SOX5: variants seen among roughly 807,000 people sequenced by gnomAD.
The protein encoded by SOX5 is SRY-box transcription factor 5.
SOX5 carries 9 observed loss-of-function variants against 92.0 expected under a neutral mutation model. The ratio of observed to expected loss-of-function variants is 0.10; its 90% confidence interval spans 0.06 to 0.17. SOX5 has a LOEUF of 0.17. Ranked by LOEUF, SOX5 falls within the 10% of genes least tolerant of loss-of-function variation. The pLI, the probability that SOX5 is intolerant of heterozygous loss-of-function variation, is 1.00. For synonymous variants in SOX5, 344 were observed against 336.3 expected (o/e 1.02, Z -0.25); for missense variants, 642 against 944.5 (o/e 0.68, Z 4.20).
At chr12:24,286,902 T>C (rs891343790) in intron 2 of SOX5, among the ~76,000 whole-genome samples, 3 of 152,220 alleles carry the variant, frequency 2.0e-5, no homozygotes, top group Non-Finnish European at 4.4e-5. Flanking sequence ...CCTCATGTTT[T>C]CTCATTGGTA....
rs370310566 is a variant in SOX5 at position 23,555,174 on chromosome 12, T to G, written c.1488+8084A>C. 3.9e-5 allele frequency among the ~76,000 whole-genome samples: 6 copies of G among 152,330 alleles called. No individual in the cohort carries two copies. The South Asian group carries it at 1.2e-3, about 32-fold the overall frequency. On this transcript the variant is annotated intron_variant, in intron 11 of 14. Coordinates refer to ENST00000451604, the MANE Select transcript of SOX5 (RefSeq NM_006940.6). ...GTATATTCTTTTAGTCTTTTATCTA[T>G]GCATTATGGAAATAATATACTTAAA...
At chr12:23,644,756 T>C (rs1224858890) in intron 7 of SOX5, among the ~76,000 whole-genome samples, 1 of 152,232 alleles carries the variant, frequency 6.6e-6, no homozygotes, top group Non-Finnish European at 1.5e-5. Flanking sequence ...TTCCAAACAC[T>C]ATCCAATTTT....
At chr12:24,029,275 T>C (rs1284038805) in intron 4 of SOX5, among the ~76,000 whole-genome samples, 2 of 151,954 alleles carry the variant, frequency 1.3e-5, no homozygotes, top group Non-Finnish European at 2.9e-5. Context: ...ATTTTATTTA[T>C]TTATTACTTA....
chr12:24,287,104 T>C (rs1945966838), intron 2 of SOX5, among the ~76,000 whole-genome samples: 1 of 152,168 alleles, frequency 6.6e-6, no homozygotes, highest in Admixed American at 6.5e-5. Context: ...ATATGTTCAC[T>C]TCAGGCAGGA....
At chr12:24,364,405 C>T (rs1461174249) in intron 2 of SOX5, among the ~76,000 whole-genome samples, 1 of 151,108 alleles carries the variant, frequency 6.6e-6, no homozygotes, top group African/African-American at 2.4e-5. Flanking sequence ...TATCTTCTGT[C>T]CTTAGAAAGG....
At chr12:23,578,152 T>TAAAAAAAAAAAAAAAAAA (rs1269244217) in intron 9 of SOX5, among the ~76,000 whole-genome samples, 3 of 57,132 alleles carry the variant, frequency 5.3e-5, no homozygotes, top group Non-Finnish European at 7.7e-5. Context: ...AAAAAAAAAC[T>TAAAAAAAAAAAAAAAAAA]ATAGGGGCAA....
intron 4 of SOX5, among the ~76,000 whole-genome samples, chr12:23,983,780 G>T (rs1322976234): frequency 1.3e-5 from 2 of 151,980 alleles, no homozygotes; most frequent in African/African-American, 4.8e-5. Flanking sequence ...CCCTTAAATT[G>T]TGTCCTAATT....
intron 7 of SOX5, among the ~76,000 whole-genome samples, chr12:23,649,766 A>G (rs1360200510): frequency 6.6e-6 from 1 of 152,122 alleles, no homozygotes. Flanking sequence ...ATATTTAGAT[A>G]TTAATTATCT....
chr12:23,933,925 T>C (rs780106417), intron 1 of SOX5, among the ~76,000 whole-genome samples: 51 of 151,684 alleles, frequency 3.4e-4, no homozygotes, highest in African/African-American at 1.0e-3. Flanking sequence ...TTAAAGGAGA[T>C]AGTTTAAAGG....
chr12:23,702,384 A>T (rs2090775817), intron 6 of SOX5, among the ~76,000 whole-genome samples: 1 of 152,028 alleles, frequency 6.6e-6, no homozygotes, highest in African/African-American at 2.4e-5. Flanking sequence ...ATCCATTTTG[A>T]TTCATACTCA....
intron 6 of SOX5, among the ~76,000 whole-genome samples, chr12:23,668,986 A>G (rs1281051550): frequency 6.6e-6 from 1 of 152,178 alleles, no homozygotes; most frequent in East Asian, 1.9e-4. Flanking sequence ...CAATGGCTTC[A>G]AGAAATTAAT....
chr12:23,574,936 T>C (rs1377718897), intron 10 of SOX5, among the ~76,000 whole-genome samples: 1 of 152,186 alleles, frequency 6.6e-6, no homozygotes, highest in Non-Finnish European at 1.5e-5. Context: ...AGCTGACTTA[T>C]ACCATAGAAT....
intron 1 of SOX5, among the ~76,000 whole-genome samples, chr12:24,530,636 G>C (rs940467362): frequency 7.4e-5 from 11 of 149,524 alleles, no homozygotes; most frequent in African/African-American, 2.7e-4. Context: ...CTGGGCAACA[G>C]AGTGAGACTC....
intron 4 of SOX5, among the ~76,000 whole-genome samples, chr12:24,097,794 C>T (rs1380052954): frequency 6.6e-6 from 1 of 152,082 alleles, no homozygotes; most frequent in African/African-American, 2.4e-5. Context: ...TGTCAACTTC[C>T]ACTGTTGCAT....
At chr12:24,187,425 G>A (rs918299797) in intron 4 of SOX5, among the ~76,000 whole-genome samples, 1 of 152,252 alleles carries the variant, frequency 6.6e-6, no homozygotes, top group Non-Finnish European at 1.5e-5. Context: ...TTATAGAAAA[G>A]TACAAAGTAT....
At chr12:24,421,793 C>T (rs975626425) in intron 1 of SOX5, among the ~76,000 whole-genome samples, 5 of 152,146 alleles carry the variant, frequency 3.3e-5, no homozygotes, top group Admixed American at 1.3e-4. Flanking sequence ...TAAAAGTGTG[C>T]TCATTTTCCT....
At chr12:23,665,317 T>C in intron 7 of SOX5, 127 bp downstream of exon 7, 2 of 1,012,762 alleles carry the variant, frequency 2.0e-6, no homozygotes, top group South Asian at 2.7e-5. Context: ...ACATTCTGTG[T>C]GTTTCCTCTT....
rs554183215 is a variant in SOX5, at chr12:23,703,016, G to A, written c.810+31668C>T. On this transcript the variant is annotated intron_variant, in intron 6 of 14. Coordinates refer to ENST00000451604, the MANE Select transcript of SOX5 (RefSeq NM_006940.6). Reference sequence around the variant, plus strand: ...GAATCTTGTAAAGAGAACAAGATGGGCCCATATTAAAACTTTTAATGACTT... The same window carrying A: ...GAATCTTGTAAAGAGAACAAGATGGACCCATATTAAAACTTTTAATGACTT... Among the ~76,000 whole-genome samples the A allele has an allele frequency of 9.2e-5, 14 of 152,082 alleles. No homozygotes were observed. In the South Asian group the frequency reaches 1.2e-3, roughly 14 times the overall value.
rs151059301 is a variant in SOX5 at position 23,974,268 on chromosome 12, T to C, written c.-1-78244A>G. Among the ~76,000 whole-genome samples the C allele has an allele frequency of 1.3e-3, 193 of 152,326 alleles. 1 individual carries two copies. Among genetic ancestry groups the C allele is most frequent in the African/African-American group, 4.3e-3 (180 of 41,586 alleles). ...TATGTTTTCTTTATCCATTCATCTG[T>C]TGATAGACAATTAGGTTGCTTCCAT... On this transcript the variant is annotated intron_variant, in intron 4 of 4. Coordinates refer to the SOX5 transcript ENST00000446891.
Sources: gnomAD v4.1 joint callset for allele counts (sites outside exome capture counted in the v4.1 genomes callset) on GRCh38, gnomAD v4.1.1 for gene constraint, MANE v1.5 for transcripts, NCBI Gene and HGNC (gene_info 2026-07-23, HGNC 2026-07-21) for gene names.